Variants in PRXL2A observed in about 807,000 individuals in gnomAD.
PRXL2A encodes peroxiredoxin like 2A, also known as peroxiredoxin-like 2A.
A neutral mutation model predicts 25.6 loss-of-function variants in PRXL2A; 26 were observed. That is an observed-to-expected ratio of 1.02 (90% CI 0.74 to 1.41). The LOEUF is 1.41. PRXL2A is among the 40% of genes most tolerant of loss of function. The pLI, the probability that PRXL2A is intolerant of heterozygous loss-of-function variation, is 0.00. For synonymous variants in PRXL2A, 98 were observed against 102.9 expected, an observed-to-expected ratio of 0.95 and a Z score of 0.29; for missense variants, 246 against 273.9, an observed-to-expected ratio of 0.90 and a Z score of 0.72.
intron 1 of PRXL2A, among the ~76,000 whole-genome samples, chr10:80,415,308 C>T (rs1246040866): frequency 6.6e-6 from 1 of 152,224 alleles, no homozygotes; most frequent in Non-Finnish European, 1.5e-5. Flanking sequence ...GAAGACAGCA[C>T]TTATGGGGGT....
intron 2 of PRXL2A, 89 bp from the exon 3 acceptor site, chr10:80,422,328 C>T (rs1442531130): frequency 4.6e-5 from 48 of 1,036,372 alleles, no homozygotes; most frequent in Non-Finnish European, 6.8e-5. Flanking sequence ...GGTCTCTGAC[C>T]TTGGCTGGAC....
intron 5 of PRXL2A, among the ~76,000 whole-genome samples, chr10:80,431,530 A>C (rs1288391140): frequency 1.4e-4 from 21 of 152,090 alleles, no homozygotes; most frequent in Admixed American, 1.4e-3. Context: ...CCAGTTTCTT[A>C]GAAGACTAAA....
At chr10:80,413,081 T>C (rs113205131) in intron 1 of PRXL2A, among the ~76,000 whole-genome samples, 239 of 152,186 alleles carry the variant, frequency 1.6e-3, no homozygotes, top group African/African-American at 5.3e-3. Flanking sequence ...CCTGAGTCGA[T>C]GTAGGCAGTG....
rs1845072430 is a variant in PRXL2A, at chr10:80,427,256, C to G, written c.412-76C>G. The stretch of plus-strand genomic sequence containing the variant: ...AGTCTTTGCCTGAGAACCAATGCCC[C>G]GTCAGGAGCGTTTCCTCCTTGAGGA... On this transcript the variant is annotated intron_variant, in intron 4 of 5. Transcript: ENST00000606162. 14 of 1,343,490 alleles carry G rather than the reference C, an allele frequency of 1.0e-5. 1 individual carries two copies. In the South Asian group the frequency reaches 1.7e-4, roughly 16 times the overall value. 83.2% of individuals were successfully genotyped at this position (1,343,490 alleles called of 1,614,324 possible). A position where few individuals can be genotyped will look rare whatever the true frequency, so the allele number is the denominator to read the frequency against.
chr10:80,413,928 C>T (rs186534308), intron 1 of PRXL2A: 2 of 1,131,930 alleles, frequency 1.8e-6, no homozygotes, highest in Admixed American at 3.3e-5. Context: ...GGTAAGAGAC[C>T]GTTTGAGGAA....
intron 2 of PRXL2A, among the ~76,000 whole-genome samples, chr10:80,421,932 G>C (rs554105568): frequency 3.3e-5 from 5 of 152,202 alleles, no homozygotes; most frequent in Non-Finnish European, 7.3e-5. Flanking sequence ...AGCTGGGCTT[G>C]TTGAACTACA....
chr10:80,429,682 C>T (rs1487760569), intron 5 of PRXL2A, among the ~76,000 whole-genome samples: 2 of 150,976 alleles, frequency 1.3e-5, no homozygotes, highest in African/African-American at 2.4e-5. Flanking sequence ...CCTCTCCTGC[C>T]CTGCCCTGCC....
rs538222886 is a variant in PRXL2A at position 80,425,776 on chromosome 10, G to C, written c.271-90G>C. 1.6e-5 allele frequency: 25 copies of C among 1,522,178 alleles called. No homozygotes were observed. The Admixed American group carries it at 2.0e-4, about 12-fold the overall frequency. 94.3% of individuals were successfully genotyped at this position (1,522,178 alleles called of 1,614,324 possible). ...TCTGCTTTCCACTGGAGAAGACAAGGAGCCTGGGCTGCAGAGGGAACCTGA... is the reference window on the plus strand; with the variant it reads ...TCTGCTTTCCACTGGAGAAGACAAGCAGCCTGGGCTGCAGAGGGAACCTGA... On this transcript the variant is annotated intron_variant, in intron 3 of 5. Coordinates refer to ENST00000606162, the MANE Select transcript of PRXL2A (RefSeq NM_032333.5).
chr10:80,429,790 C>T lies in PRXL2A; in HGVS notation c.577-2196C>T, dbSNP rs74919865. Among the ~76,000 whole-genome samples the T allele has an allele frequency of 1.1e-3, 168 of 152,300 alleles. 1 individual carries two copies. In the East Asian group the frequency reaches 0.027, roughly 25 times the overall value. On this transcript the variant is annotated intron_variant, in intron 5 of 5. Transcript: ENST00000606162. ...CAGTGGATTGCCCATCCTCTTCCCA[C>T]TCTGACAACGTGGGGTTCCTTCCCC... is the stretch of plus-strand genomic sequence containing the variant.
chr10:80,410,767 T>G (rs114899528), intron 1 of PRXL2A, among the ~76,000 whole-genome samples: 1,773 of 152,288 alleles, frequency 0.012, 33 homozygotes, highest in African/African-American at 0.04. Context: ...TGCCTTGCCT[T>G]CCTATCCACA....
In PRXL2A at chr10:80,417,758, G is replaced by T. The variant is rs72819506; in HGVS notation, c.-2-2708G>T. ...TCTTCTTCTTCATCTTTTTTTTTTT[G>T]TTTTTTTTTTTTTAAAGACAAGGTC... On this transcript the variant is annotated intron_variant, in intron 1 of 5. Transcript: ENST00000606162. 2.0e-3 allele frequency among the ~76,000 whole-genome samples: 266 copies of T among 130,058 alleles called. 1 individual carries two copies. The highest frequency in any genetic ancestry group is 3.8e-3 in the African/African-American group (132 of 34,518). The allele number at this position is 130,058 out of a possible 152,430, so 85.3% of individuals were successfully genotyped here.
At chr10:80,431,807 C>G (rs1377560352) in intron 5 of PRXL2A, among the ~76,000 whole-genome samples, 179 bp from the exon 6 acceptor site, 1 of 152,142 alleles carries the variant, frequency 6.6e-6, no homozygotes, top group Non-Finnish European at 1.5e-5. Context: ...TGGATGTGGC[C>G]TTCTCCGGTC....
upstream of PRXL2A, chr10:80,408,475 G>C (rs1346486700): frequency 2.6e-5 from 4 of 152,466 alleles, no homozygotes. Context: ...TCCTCCCACG[G>C]GGGGCGGGGC....
At chr10:80,411,935 A>G (rs1322002628) in intron 1 of PRXL2A, among the ~76,000 whole-genome samples, 1 of 152,150 alleles carries the variant, frequency 6.6e-6, no homozygotes, top group South Asian at 2.1e-4. Context: ...TGTTTCAGAC[A>G]TGATTTAACT....
At chr10:80,421,025 G>A (rs1454389008) in intron 2 of PRXL2A, among the ~76,000 whole-genome samples, 1 of 152,190 alleles carries the variant, frequency 6.6e-6, no homozygotes, top group African/African-American at 2.4e-5. Context: ...GTATTCTGAG[G>A]AATTCCAGGC....
At chr10:80,416,646 G>A (rs1308116003) in intron 1 of PRXL2A, among the ~76,000 whole-genome samples, 3 of 152,250 alleles carry the variant, frequency 2.0e-5, no homozygotes, top group South Asian at 2.1e-4. Context: ...GGGTCTTGGC[G>A]GGGGGCCCAG....
intron 1 of PRXL2A, among the ~76,000 whole-genome samples, chr10:80,409,383 G>A (rs1844404128): frequency 6.6e-6 from 1 of 152,184 alleles, no homozygotes; most frequent in South Asian, 2.1e-4. Flanking sequence ...CTGTGGGAAG[G>A]AGGCACACCC....
At chr10:80,408,169 T>G (rs1190414386), upstream of PRXL2A, among the ~76,000 whole-genome samples, 1 of 141,250 alleles carries the variant, frequency 7.1e-6, no homozygotes, top group South Asian at 2.2e-4. Flanking sequence ...CCATGGAGGT[T>G]AAAAAAAAAA....
At chr10:80,409,450 A>G (rs900126503) in intron 1 of PRXL2A, among the ~76,000 whole-genome samples, 1 of 152,204 alleles carries the variant, frequency 6.6e-6, no homozygotes, top group Non-Finnish European at 1.5e-5. Context: ...TTTCCTTGCC[A>G]CATCATGCTG....
Sources: allele counts gnomAD v4.1 joint callset (sites outside exome capture counted in the v4.1 genomes callset), GRCh38; gene constraint gnomAD v4.1.1; transcripts MANE v1.5; gene names NCBI Gene and HGNC (gene_info 2026-07-23, HGNC 2026-07-21).